LATS1: variants seen among roughly 807,000 people sequenced by gnomAD.
The protein encoded by LATS1 is serine/threonine-protein kinase LATS1.
Under a neutral mutation model 106.6 loss-of-function variants are expected in LATS1, and 25 were observed. The observed-to-expected ratio is 0.23, with a 90% CI of 0.17 to 0.33. LATS1 has a LOEUF of 0.33. Among genes scored for constraint, LATS1 ranks in the 10% least tolerant of loss-of-function variants. The pLI, the probability that LATS1 is intolerant of heterozygous loss-of-function variation, is 1.00. For missense variants in LATS1, 1,040 were observed against 1,382.6 expected, an observed-to-expected ratio of 0.75 and a Z score of 3.93; for synonymous variants, 465 against 455.6, an observed-to-expected ratio of 1.02 and a Z score of -0.26.
chr6:149,690,611 AT>A (rs142440303), intron 3 of LATS1, among the ~76,000 whole-genome samples: 1,776 of 152,046 alleles, frequency 0.012, 38 homozygotes, highest in African/African-American at 0.041. Flanking sequence ...CAGCGGCGCA[AT>A]CACAGCTCAC....
intron 5 of LATS1, among the ~76,000 whole-genome samples, chr6:149,677,822 C>T (rs981737142): frequency 6.6e-6 from 1 of 152,188 alleles, no homozygotes; most frequent in East Asian, 1.9e-4. Context: ...GAGATTGAGA[C>T]CATCCTGGCC....
chr6:149,707,498 A>G (rs1396905771), intron 1 of LATS1, among the ~76,000 whole-genome samples: 1 of 152,150 alleles, frequency 6.6e-6, no homozygotes, highest in East Asian at 1.9e-4. Context: ...TTCCCCCCAT[A>G]ACATTTCATG....
In LATS1 at chr6:149,683,885, T is replaced by C. The variant is rs1229428837; in HGVS notation, c.1204A>G (p.Asn402Asp). 2 of 1,614,082 alleles carry C rather than the reference T, an allele frequency of 1.2e-6. No homozygotes were observed. The highest frequency in any genetic ancestry group is 2.2e-5 in the South Asian group (2 of 91,078). The change falls in exon 4 of 8, where the codon AAT becomes GAT. Residue 402 changes from asparagine (N) to aspartate (D), a missense_variant. Physicochemically the swap from Asn to Asp is conservative, Grantham distance 23 (BLOSUM62 1). Coordinates refer to ENST00000543571, the MANE Select transcript of LATS1 (RefSeq NM_004690.4). ...ATCATAGACTGAGGAATACTTCCAT[T>C]TGTATATGACGAAGGAGCAGCAGAT... ...GGSAAPSSYT[N>D]GSIPQSMMVP...
intron 5 of LATS1, among the ~76,000 whole-genome samples, chr6:149,678,618 G>A (rs923132716): frequency 6.6e-6 from 1 of 152,168 alleles, no homozygotes; most frequent in Non-Finnish European, 1.5e-5. Flanking sequence ...ATTGTTGCGA[G>A]CATATTAGAA....
intron 2 of LATS1, among the ~76,000 whole-genome samples, chr6:149,698,260 T>C (rs1435831354): frequency 6.6e-6 from 1 of 151,026 alleles, no homozygotes; most frequent in Non-Finnish European, 1.5e-5. Context: ...TTTTTCCCAT[T>C]AGAGACAGGG....
chr6:149,674,918 G>T (rs1468590215), intron 7 of LATS1, among the ~76,000 whole-genome samples: 1 of 151,644 alleles, frequency 6.6e-6, no homozygotes, highest in African/African-American at 2.4e-5. Flanking sequence ...TAAATAAAGT[G>T]CTGGGATTAC....
intron 7 of LATS1, among the ~76,000 whole-genome samples, chr6:149,669,129 G>GGATT (rs887150277): frequency 1.8e-4 from 27 of 151,568 alleles, no homozygotes; most frequent in South Asian, 1.2e-3. Flanking sequence ...GGCTGGATAA[G>GGATT]GATTGATTGA....
chr6:149,683,857 A>T lies in LATS1; in HGVS notation c.1232T>A (p.Val411Glu), dbSNP rs776061359. 1 of 1,614,092 alleles carries T rather than the reference A, an allele frequency of 6.2e-7. No individual in the cohort carries two copies. The highest frequency in any genetic ancestry group is 1.1e-5 in the South Asian group (1 of 91,084). Residue 411 changes from valine to glutamate, a missense_variant, in exon 4 of 8, where the codon GTG becomes GAG. Coordinates refer to ENST00000543571, the MANE Select transcript of LATS1 (RefSeq NM_004690.4). ...TNGSIPQSMM[V>E]PNRNSHNMEL... Reference sequence around the variant, plus strand: ...CATGTTATGACTATTTCTGTTTGGCACCATCATAGACTGAGGAATACTTCC... The same window carrying T: ...CATGTTATGACTATTTCTGTTTGGCTCCATCATAGACTGAGGAATACTTCC...
At position 149,659,489 on chromosome 6, in the gene LATS1, T is replaced by C. The variant is rs986144992; in HGVS notation, c.*2240A>G. On this transcript the variant is annotated 3_prime_UTR_variant, in exon 8 of 8. Coordinates refer to ENST00000543571, the MANE Select transcript of LATS1 (RefSeq NM_004690.4). ...AAAAAACAAAAAAAGAATACAAAATTTGTAGTGTCTGTTACATTTCAGCAA... is the reference window on the plus strand; with the variant it reads ...AAAAAACAAAAAAAGAATACAAAATCTGTAGTGTCTGTTACATTTCAGCAA... The C allele has an allele frequency of 1.8e-5, 4 of 227,014 alleles. No individual in the cohort carries two copies. Among genetic ancestry groups the C allele is most frequent in the African/African-American group, 6.7e-5 (3 of 44,792 alleles). The allele number at this position is 227,014 out of a possible 1,614,324, so 14.1% of individuals were successfully genotyped here.
At chr6:149,698,323 G>A (rs894707837) in intron 2 of LATS1, among the ~76,000 whole-genome samples, 3 of 147,932 alleles carry the variant, frequency 2.0e-5, no homozygotes, top group Admixed American at 6.8e-5. Context: ...AACTCATTGC[G>A]ACCCAATCTC....
At chr6:149,662,294 C>A in intron 7 of LATS1, 56 bp from the exon 8 acceptor site, 1 of 1,393,970 alleles carries the variant, frequency 7.2e-7, no homozygotes, top group Non-Finnish European at 9.7e-7. Context: ...ATAAAGATTT[C>A]CTTCAAGTTT....
rs1056135853 is a variant in LATS1 at position 149,684,288 on chromosome 6, T to A, written c.801A>T (p.Ser267=). 1 of 1,613,900 alleles carries A rather than the reference T, an allele frequency of 6.2e-7. No homozygotes were observed. The highest frequency in any genetic ancestry group is 1.7e-4 in the Middle Eastern group (1 of 6,060). ...PPRGTTPPPP[S]WEPNSQTKRY... is the part of the protein sequence containing the mutation. ...GCTTTGTTTGAGAGTTTGGTTCCCA[T>A]GAAGGGGGAGGTGGAGTTGTACCTC... The change falls in exon 4 of 8, where the codon TCA becomes TCT. Residue 267 remains serine (S), a synonymous_variant. Transcript: ENST00000543571.
chr6:149,674,175 A>G (rs930378534), intron 7 of LATS1, among the ~76,000 whole-genome samples: 2 of 150,502 alleles, frequency 1.3e-5, no homozygotes, highest in Non-Finnish European at 3.0e-5. Flanking sequence ...CCTGGGTTCA[A>G]GCAATCCCCG....
chr6:149,708,788 C>G (rs574883676), intron 1 of LATS1, among the ~76,000 whole-genome samples: 100 of 152,310 alleles, frequency 6.6e-4, no homozygotes, highest in African/African-American at 2.1e-3. Flanking sequence ...AGAAACATTT[C>G]TGTTGTGTTA....
chr6:149,710,697 T>A (rs1395222771), intron 1 of LATS1, among the ~76,000 whole-genome samples: 1 of 152,208 alleles, frequency 6.6e-6, no homozygotes, highest in East Asian at 1.9e-4. Flanking sequence ...GCAAAATATC[T>A]GGTAACGCTG....
chr6:149,681,999 C>A (rs1782058125), intron 4 of LATS1, among the ~76,000 whole-genome samples: 1 of 151,816 alleles, frequency 6.6e-6, no homozygotes, highest in South Asian at 2.1e-4. Context: ...GTAGTCCCAG[C>A]TAGTGGGGAG....
rs1582877569 is a variant in LATS1 at position 149,684,085 on chromosome 6, G to A, written c.1004C>T (p.Ser335Phe). The A allele has an allele frequency of 1.2e-6, 2 of 1,614,064 alleles. No individual in the cohort carries two copies. The highest frequency in any genetic ancestry group is 1.7e-6 in the Non-Finnish European group (2 of 1,180,030). The change falls in exon 4 of 8, where the codon TCT (serine) becomes TTT (phenylalanine). Residue 335 changes from serine to phenylalanine, a missense_variant. Ser to Phe is a radical substitution (Grantham distance 155). Transcript: ENST00000543571. ...VGRQPIIMQS[S>F]SKFNFPSGRP... ...CCCTGATGGAAAGTTAAATTTGCTA[G>A]AACTCTGCATGATGATTGGTTGTCT... is the stretch of plus-strand genomic sequence containing the variant.
intron 1 of LATS1, among the ~76,000 whole-genome samples, chr6:149,708,911 T>C (rs1054175248): frequency 6.6e-6 from 1 of 152,072 alleles, no homozygotes; most frequent in Non-Finnish European, 1.5e-5. Context: ...GATCTTACTA[T>C]ATAGGTAGGG....
intron 3 of LATS1, among the ~76,000 whole-genome samples, chr6:149,689,649 T>TCCTC (rs1782607448): frequency 6.6e-6 from 1 of 152,140 alleles, no homozygotes; most frequent in South Asian, 2.1e-4. Context: ...CTATTGCCAG[T>TCCTC]CCTCAGTCTC....
Sources: gnomAD v4.1 joint callset for allele counts (sites outside exome capture counted in the v4.1 genomes callset) on GRCh38, gnomAD v4.1.1 for gene constraint, MANE v1.5 for transcripts, NCBI Gene and HGNC (gene_info 2026-07-23, HGNC 2026-07-21) for gene names.